Variants in F8 observed in about 807,000 individuals in gnomAD.
F8 encodes the protein coagulation factor VIII.
F8 carries 12 observed loss-of-function variants against 140.6 expected under a neutral mutation model. The observed-to-expected ratio is 0.09, with a 90% confidence interval of 0.05 to 0.14. F8 has a LOEUF of 0.14. Ranked by LOEUF, F8 falls within the 10% of genes least tolerant of loss-of-function variation. The probability of loss-of-function intolerance (pLI) is 1.00; values close to 1 mark genes in which losing one functional copy is unlikely to be tolerated. For missense variants in F8, 1,354 were observed against 1,720.7 expected (o/e 0.79, Z 3.77); for synonymous variants, 585 against 614.6 (o/e 0.95, Z 0.71).
intron 22 of F8, among the ~76,000 whole-genome samples, chrX:154,871,430 C>T (rs1444720870): frequency 8.9e-6 from 1 of 112,077 alleles, no homozygotes; most frequent in Admixed American, 9.4e-5. Context: ...AAACCTGACA[C>T]AAACAAGCAA....
rs1413015569 is a variant in F8, at chrX:154,861,791, T to C, written c.6650A>G (p.Asn2217Ser). 4 of 1,211,259 alleles carry C rather than the reference T, an allele frequency of 3.3e-6. No individual in the cohort carries two copies. The highest frequency in any genetic ancestry group is 4.5e-6 in the Non-Finnish European group (4 of 895,045). The change falls in exon 24 of 26, where the codon AAT becomes AGT. Residue 2217 changes from asparagine to serine, a missense_variant. Coordinates refer to ENST00000360256, the MANE Select transcript of F8 (RefSeq NM_000132.4). ...AQITASSYFT[N>S]MFATWSPSKA... ...TGAAGGAGACCAGGTGGCAAACATA[T>C]TGGTAAAGTAGGATGAAGCAGTAAT...
At chrX:154,897,462 G>A (rs1255056554) in intron 21 of F8, 1 of 112,503 alleles carries the variant, frequency 8.9e-6, no homozygotes, top group Non-Finnish European at 1.9e-5. Flanking sequence ...AGTTGAGTAG[G>A]AGAAATAGAC....
chrX:154,897,263 C>G (rs1335988357), intron 21 of F8, among the ~76,000 whole-genome samples: 1 of 112,421 alleles, frequency 8.9e-6, no homozygotes, highest in Non-Finnish European at 1.9e-5. Flanking sequence ...TTCACACATG[C>G]CTGACACACA....
intron 5 of F8, among the ~76,000 whole-genome samples, chrX:154,986,165 G>T (rs1179445082): frequency 8.9e-6 from 1 of 112,549 alleles, no homozygotes; most frequent in Non-Finnish European, 1.9e-5. Flanking sequence ...GAGGTCTCAT[G>T]CAAGAAAAAG....
chrX:154,949,615 G>A (rs1271627855), intron 12 of F8, among the ~76,000 whole-genome samples: 4 of 111,693 alleles, frequency 3.6e-5, no homozygotes, highest in Non-Finnish European at 7.5e-5. Flanking sequence ...CAGACTGGGA[G>A]GTGTAAATAA....
chrX:154,893,691 T>G, intron 22 of F8, among the ~76,000 whole-genome samples: 1 of 111,766 alleles, frequency 8.9e-6, no homozygotes, highest in Non-Finnish European at 1.9e-5. Context: ...TTATTTAACC[T>G]TATATGTCAT....
intron 14 of F8, among the ~76,000 whole-genome samples, 196 bp from the exon 15 acceptor site, chrX:154,906,769 T>C (rs996477837): frequency 2.7e-5 from 3 of 112,319 alleles, no homozygotes; most frequent in African/African-American, 9.7e-5. Context: ...TTGTTCCCTG[T>C]TGTATTCCCA....
chrX:154,968,648 T>C (rs2073438098), intron 7 of F8, among the ~76,000 whole-genome samples: 1 of 111,942 alleles, frequency 8.9e-6, no homozygotes, highest in African/African-American at 3.2e-5. Context: ...GTTACCATCG[T>C]CCTAATTTGC....
chrX:155,013,822 A>G (rs1469999558), intron 1 of F8, among the ~76,000 whole-genome samples: 1 of 111,756 alleles, frequency 8.9e-6, no homozygotes, highest in Non-Finnish European at 1.9e-5. Flanking sequence ...CCCAGCTGGT[A>G]GATGGCTGCC....
chrX:154,919,538 CA>C, intron 14 of F8: 1 of 623,168 alleles, frequency 1.6e-6, no homozygotes, highest in Non-Finnish European at 2.3e-6. Context: ...ACTTGGGCAG[CA>C]GACAATCACT....
chrX:154,946,240 T>C (rs2073303742), intron 13 of F8, among the ~76,000 whole-genome samples: 1 of 112,266 alleles, frequency 8.9e-6, no homozygotes, highest in South Asian at 3.7e-4. Flanking sequence ...AAAATTTGTG[T>C]GGAACCACAA....
chrX:154,953,953 G>A lies in F8; in HGVS notation c.1842C>T (p.Leu614=). Residue 614 remains leucine, a synonymous_variant, in exon 12 of 26, where the codon CTC becomes CTT. Transcript: ENST00000360256. ...WYLTENIQRF[L]PNPAGVQLED... ...CAAGCTGCACTCCAGCTGGATTGGG[G>A]AGAAAGCGTTGTATATTCTCTGTGA... is the stretch of plus-strand genomic sequence containing the variant. 1 of 1,211,643 alleles carries A rather than the reference G, an allele frequency of 8.3e-7. No individual in the cohort carries two copies. The highest frequency in any genetic ancestry group is 1.1e-6 in the Non-Finnish European group (1 of 895,458).
In F8 at chrX:154,836,360, G is replaced by C. The variant is rs1309460627; in HGVS notation, c.*1237C>G. 1 of 111,296 alleles carries C rather than the reference G, an allele frequency of 9.0e-6. No individual in the cohort carries two copies. The highest frequency in any genetic ancestry group is 1.9e-5 in the Non-Finnish European group (1 of 53,117). The allele number at this position is 111,296 out of a possible 1,213,427, so 9.2% of individuals were successfully genotyped here. On this transcript the variant is annotated 3_prime_UTR_variant, in exon 26 of 26. Coordinates refer to ENST00000360256, the MANE Select transcript of F8 (RefSeq NM_000132.4). Reference sequence around the variant, plus strand: ...TGTGTAGTCATAGTGAAGGGGTCAGGCAGATGGAAGGAGCAGTAAACCCTT... The same window carrying C: ...TGTGTAGTCATAGTGAAGGGGTCAGCCAGATGGAAGGAGCAGTAAACCCTT...
chrX:154,987,282 G>C lies in F8; in HGVS notation c.625C>G (p.Gln209Glu), dbSNP rs1557284310. Reference sequence around the variant, plus strand: ...AGTAGTATAAATTTGTGCAAGGTCTGTGTCTTTTCCTTGGCCAGACTCCCT... The same window carrying C: ...AGTAGTATAAATTTGTGCAAGGTCTCTGTCTTTTCCTTGGCCAGACTCCCT... The part of the protein sequence containing the change: ...REGSLAKEKT[Q>E]TLHKFILLFA... Residue 209 changes from glutamine (Q) to glutamate (E), a missense_variant, in exon 5 of 26, where the codon CAG becomes GAG. Gln to Glu is a conservative substitution (Grantham distance 29). Coordinates refer to ENST00000360256, the MANE Select transcript of F8 (RefSeq NM_000132.4). 8.3e-7 allele frequency: 1 copy of C among 1,210,297 alleles called. No homozygotes were observed. Among genetic ancestry groups the C allele is most frequent in the South Asian group, 1.8e-5 (1 of 56,934 alleles).
chrX:154,839,361 C>CA (rs1603430971), intron 25 of F8, among the ~76,000 whole-genome samples: 3 of 101,263 alleles, frequency 3.0e-5, no homozygotes, highest in African/African-American at 1.1e-4. Context: ...AATTCTGCCT[C>CA]AATTTTTTTT....
intron 1 of F8, among the ~76,000 whole-genome samples, chrX:155,000,364 A>G (rs1400033902): frequency 2.7e-5 from 3 of 112,013 alleles, no homozygotes; most frequent in Non-Finnish European, 5.6e-5. Flanking sequence ...GAAGGTGACT[A>G]TCTCCACTCA....
At chrX:154,864,382 A>G (rs1372481360) in intron 22 of F8, among the ~76,000 whole-genome samples, 1 of 112,673 alleles carries the variant, frequency 8.9e-6, no homozygotes, top group South Asian at 3.6e-4. Context: ...GCTCACTCCA[A>G]TGCACAGATA....
At chrX:154,959,662 A>G (rs148163269) in intron 10 of F8, among the ~76,000 whole-genome samples, 13 of 110,895 alleles carry the variant, frequency 1.2e-4, no homozygotes, top group Non-Finnish European at 1.9e-4. Context: ...CCATTAACCA[A>G]CGTCTCCCTA....
intron 1 of F8, among the ~76,000 whole-genome samples, chrX:155,018,600 T>C (rs191902399): frequency 8.3e-4 from 92 of 111,017 alleles, no homozygotes; most frequent in African/African-American, 2.9e-3. Context: ...ATAGCAAAGA[T>C]AGAGGAATTT....
Sources: gnomAD v4.1 joint callset for allele counts (sites outside exome capture counted in the v4.1 genomes callset) on GRCh38, gnomAD v4.1.1 for gene constraint, MANE v1.5 for transcripts, NCBI Gene and HGNC (gene_info 2026-07-23, HGNC 2026-07-21) for gene names.